The following ADGRL3 variants were observed in gnomAD, a reference collection of about 807,000 sequenced individuals.
ADGRL3 encodes adhesion G protein-coupled receptor L3.
A neutral mutation model predicts 153.5 loss-of-function variants in ADGRL3; 62 were observed. The observed-to-expected ratio is 0.40, with a 90% CI of 0.33 to 0.50. The LOEUF is 0.50. Among genes scored for constraint, ADGRL3 ranks in the 20% least tolerant of loss-of-function variants. The pLI, the probability that ADGRL3 is intolerant of heterozygous loss-of-function variation, is 0.47. For missense variants in ADGRL3, 1,641 were observed against 1,859.4 expected (o/e 0.88, Z 2.16); for synonymous variants, 710 against 672.5 (o/e 1.06, Z -0.86).
chr4:61,454,124 C>G (rs1016423068), intron 2 of ADGRL3, among the ~76,000 whole-genome samples: 1 of 151,976 alleles, frequency 6.6e-6, no homozygotes, highest in Non-Finnish European at 1.5e-5. Flanking sequence ...CAGCACAGTG[C>G]GTGGCACAAA....
intron 8 of ADGRL3, among the ~76,000 whole-genome samples, chr4:61,796,396 A>G (rs976283495): frequency 6.6e-6 from 1 of 152,042 alleles, no homozygotes; most frequent in Non-Finnish European, 1.5e-5. Flanking sequence ...TCTTTACCAT[A>G]GTAAGTCTTG....
In ADGRL3 at chr4:61,646,316, C is replaced by T. The variant is rs532275390; in HGVS notation, c.474-30510C>T. Reference sequence around the variant, plus strand: ...AGTCATTCTCCATCCAGCTTTGTTTCGTTGCTGGTGAGGAACTGCGTTCCT... The same window carrying T: ...AGTCATTCTCCATCCAGCTTTGTTTTGTTGCTGGTGAGGAACTGCGTTCCT... On this transcript the variant is annotated intron_variant, in intron 5 of 26. Coordinates refer to ENST00000683033, the MANE Select transcript of ADGRL3 (RefSeq NM_001387552.1). 9.9e-5 allele frequency among the ~76,000 whole-genome samples: 15 copies of T among 152,228 alleles called. No individual in the cohort carries two copies. In the South Asian group the frequency reaches 1.9e-3, roughly 19 times the overall value.
At chr4:62,032,324 A>T (rs1722544667) in intron 23 of ADGRL3, among the ~76,000 whole-genome samples, 1 of 151,440 alleles carries the variant, frequency 6.6e-6, no homozygotes, top group Non-Finnish European at 1.5e-5. Context: ...TATTTTTATT[A>T]CTTTTTTTAA....
intron 9 of ADGRL3, among the ~76,000 whole-genome samples, chr4:61,867,752 T>C (rs2098411727): frequency 6.6e-6 from 1 of 151,722 alleles, no homozygotes; most frequent in African/African-American, 2.4e-5. Flanking sequence ...GAAACATAAC[T>C]AGACAAAAGG....
chr4:62,028,329 G>A (rs1720044448), intron 21 of ADGRL3, among the ~76,000 whole-genome samples: 1 of 151,680 alleles, frequency 6.6e-6, no homozygotes, highest in Non-Finnish European at 1.5e-5. Context: ...GAGTTTTAAA[G>A]TACTCAAGAT....
At chr4:61,756,003 T>C (rs2096825390) in intron 8 of ADGRL3, among the ~76,000 whole-genome samples, 1 of 152,202 alleles carries the variant, frequency 6.6e-6, no homozygotes, top group African/African-American at 2.4e-5. Context: ...ACCAGTACCA[T>C]GCTGTTTTGG....
chr4:61,565,025 A>G (rs1418707261), intron 4 of ADGRL3, among the ~76,000 whole-genome samples: 1 of 152,212 alleles, frequency 6.6e-6, no homozygotes, highest in African/African-American at 2.4e-5. Context: ...ATAATAATGA[A>G]AAATGAAAAA....
intron 17 of ADGRL3, among the ~76,000 whole-genome samples, chr4:61,950,770 C>T (rs1455125481): frequency 6.6e-6 from 1 of 152,150 alleles, no homozygotes; most frequent in Non-Finnish European, 1.5e-5. Context: ...TGGTGAGTGA[C>T]AGGCGATGCG....
chr4:61,379,590 T>G (rs1011971498), intron 1 of ADGRL3, among the ~76,000 whole-genome samples: 43 of 152,152 alleles, frequency 2.8e-4, no homozygotes, highest in Admixed American at 2.0e-3. Flanking sequence ...AACACAATAG[T>G]CTTTTAAAAA....
intron 25 of ADGRL3, among the ~76,000 whole-genome samples, chr4:62,062,516 T>C (rs971850071): frequency 6.6e-6 from 1 of 152,068 alleles, no homozygotes; most frequent in African/African-American, 2.4e-5. Context: ...CTTTCCTTTG[T>C]GACTTTTTCT....
Position 61,792,315 on chromosome 4 carries a change from C to A in ADGRL3, c.1400-21494C>A, listed in dbSNP as rs1224761596. ...GGGCAAAATGCCACCAATCTCTTTG[C>A]TAAAACATAGCAAGAGTCACCTTTG... On this transcript the variant is annotated intron_variant, in intron 8 of 26. Coordinates refer to ENST00000683033, the MANE Select transcript of ADGRL3 (RefSeq NM_001387552.1). 2.0e-5 allele frequency among the ~76,000 whole-genome samples: 3 copies of A among 152,110 alleles called. No individual in the cohort carries two copies. In the East Asian group the frequency reaches 5.8e-4, roughly 29 times the overall value.
chr4:61,302,578 CACTCCTAAA>C (rs1301166134), intron 1 of ADGRL3, among the ~76,000 whole-genome samples: 1 of 151,950 alleles, frequency 6.6e-6, no homozygotes. Flanking sequence ...GATTTAACTT[CACTCCTAAA>C]GTTTTGTGAT....
At chr4:61,349,566 C>G (rs1381706802) in intron 1 of ADGRL3, among the ~76,000 whole-genome samples, 1 of 151,964 alleles carries the variant, frequency 6.6e-6, no homozygotes, top group Non-Finnish European at 1.5e-5. Context: ...TTGATCAAGT[C>G]CAGACTCCTG....
At chr4:61,808,792 C>CTTTTTT (rs79256517) in intron 8 of ADGRL3, among the ~76,000 whole-genome samples, 13 of 128,856 alleles carry the variant, frequency 1.0e-4, no homozygotes, top group African/African-American at 3.1e-4. Context: ...AGAAATCGGG[C>CTTTTTT]TTTTTTTTTT....
chr4:61,562,717 T>C (rs113216172), intron 4 of ADGRL3, among the ~76,000 whole-genome samples: 1,827 of 152,238 alleles, frequency 0.012, 34 homozygotes, highest in African/African-American at 0.04. Flanking sequence ...AATGCAGTTA[T>C]ATCCTCCGCC....
At chr4:61,223,327 AAG>A (rs766750249) in intron 1 of ADGRL3, among the ~76,000 whole-genome samples, 2 of 152,348 alleles carry the variant, frequency 1.3e-5, no homozygotes, top group South Asian at 4.1e-4. Context: ...ATTTTGATGA[AAG>A]AGTAGAAAGT....
chr4:61,672,413 G>A (rs1014607345), intron 5 of ADGRL3, among the ~76,000 whole-genome samples: 6 of 151,986 alleles, frequency 3.9e-5, no homozygotes, highest in Non-Finnish European at 5.9e-5. Context: ...TGGTCTACAC[G>A]TTTATTTAGG....
chr4:61,779,996 G>T (rs1467797622), intron 8 of ADGRL3, among the ~76,000 whole-genome samples: 1 of 152,078 alleles, frequency 6.6e-6, no homozygotes, highest in East Asian at 1.9e-4. Context: ...TATTTTTTAT[G>T]GTGATTCTGG....
intron 2 of ADGRL3, among the ~76,000 whole-genome samples, chr4:61,475,157 G>C (rs2098029676): frequency 6.6e-6 from 1 of 152,110 alleles, no homozygotes; most frequent in African/African-American, 2.4e-5. Context: ...ATGCTTCCTT[G>C]CTTATCATTG....
Sources: gnomAD v4.1 joint callset for allele counts (sites outside exome capture counted in the v4.1 genomes callset) on GRCh38, gnomAD v4.1.1 for gene constraint, MANE v1.5 for transcripts, NCBI Gene and HGNC (gene_info 2026-07-23, HGNC 2026-07-21) for gene names.